Variants in UBE3A observed in about 807,000 individuals in gnomAD.
The protein encoded by UBE3A is ubiquitin-protein ligase E3A.
Under a neutral mutation model 83.4 loss-of-function variants are expected in UBE3A, and 6 were observed. That is an observed-to-expected ratio of 0.07 (90% CI 0.04 to 0.14). The LOEUF is 0.14. Among genes scored for constraint, UBE3A ranks in the 10% least tolerant of loss-of-function variants. The pLI is 1.00. For missense variants in UBE3A, 456 were observed against 1,036.1 expected, an observed-to-expected ratio of 0.44 and a Z score of 7.69; for synonymous variants, 337 against 355.4, an observed-to-expected ratio of 0.95 and a Z score of 0.58.
rs61482373 is a variant in UBE3A at position 25,362,885 on chromosome 15, T to C, written c.1609-2358A>G. Among the ~76,000 whole-genome samples, 612 of 152,270 alleles carry C rather than the reference T, an allele frequency of 4.0e-3. 2 individuals are homozygous for C. Among genetic ancestry groups the C allele is most frequent in the African/African-American group, 0.014 (590 of 41,554 alleles). On this transcript the variant is annotated intron_variant, in intron 6 of 12. Coordinates refer to ENST00000648336, the MANE Select transcript of UBE3A (RefSeq NM_130839.5). ...GTATACTTGCTTTTATCAAATATAA[T>C]GTATTCCAAAGTGGGGAAAAAAAAG...
At chr15:25,366,557 C>A (rs1429988046) in intron 6 of UBE3A, among the ~76,000 whole-genome samples, 2 of 152,102 alleles carry the variant, frequency 1.3e-5, no homozygotes, top group African/African-American at 4.8e-5. Flanking sequence ...TATTCAATTC[C>A]ACATCTCAGC....
chr15:25,413,450 A>C (rs1218172735), intron 1 of UBE3A, among the ~76,000 whole-genome samples: 1 of 152,090 alleles, frequency 6.6e-6, no homozygotes, highest in Non-Finnish European at 1.5e-5. Flanking sequence ...ATATTTATGG[A>C]TAATGCTACT....
chr15:25,359,326 T>G (rs1805710008), intron 7 of UBE3A, among the ~76,000 whole-genome samples: 1 of 152,200 alleles, frequency 6.6e-6, no homozygotes, highest in South Asian at 2.1e-4. Context: ...CGTCGTCTTA[T>G]GTATCTCTGA....
intron 1 of UBE3A, among the ~76,000 whole-genome samples, chr15:25,435,522 C>T (rs1475057417): frequency 6.6e-6 from 1 of 152,118 alleles, no homozygotes; most frequent in Non-Finnish European, 1.5e-5. Flanking sequence ...GCTTTGCCAT[C>T]ATTAATGGAA....
chr15:25,391,269 A>G (rs1022458766), intron 4 of UBE3A, among the ~76,000 whole-genome samples: 3 of 152,232 alleles, frequency 2.0e-5, no homozygotes, highest in African/African-American at 7.2e-5. Flanking sequence ...TAATGATTCC[A>G]CTGACATGAA....
chr15:25,371,514 ATTG>A lies in UBE3A; in HGVS notation c.657_659del (p.Asn220del), dbSNP rs763097042. On this transcript the variant is annotated inframe_deletion, in exon 6 of 13. Coordinates refer to ENST00000648336, the MANE Select transcript of UBE3A (RefSeq NM_130839.5). The surrounding 1 kb of genome is among the most constrained non-coding windows in gnomAD (Gnocchi z 5.3). ...CATCATCAGGGCCTAATTTTTGCAA[ATTG>A]TTGTCTCCCTGTGAGCTATCACCTA... 1 of 1,614,100 alleles carries A rather than the reference ATTG, an allele frequency of 6.2e-7. No individual in the cohort carries two copies. The highest frequency in any genetic ancestry group is 2.2e-5 in the East Asian group (1 of 44,872).
At chr15:25,369,690 C>T (rs549607939) in intron 6 of UBE3A, among the ~76,000 whole-genome samples, 3 of 152,044 alleles carry the variant, frequency 2.0e-5, no homozygotes, top group South Asian at 2.1e-4. Context: ...TAAAGCTCTG[C>T]GATAATGCAC....
intron 1 of UBE3A, among the ~76,000 whole-genome samples, chr15:25,432,149 A>C (rs559886319): frequency 1.3e-5 from 2 of 152,358 alleles, no homozygotes; most frequent in African/African-American, 4.8e-5. Flanking sequence ...AAAATAAAGA[A>C]CATGAGTTTA....
At chr15:25,352,841 C>T (rs1218475131) in intron 11 of UBE3A, among the ~76,000 whole-genome samples, 1 of 152,176 alleles carries the variant, frequency 6.6e-6, no homozygotes, top group Non-Finnish European at 1.5e-5. Context: ...TTGGAAGCTA[C>T]TTTATCTGTC....
chr15:25,434,967 C>CATAT (rs71418045), intron 1 of UBE3A, among the ~76,000 whole-genome samples: 1 of 20,158 alleles, frequency 5.0e-5, no homozygotes, highest in Non-Finnish European at 1.3e-4. Context: ...ATTCTATATA[C>CATAT]ATACACACAC....
At chr15:25,381,347 A>G (rs2082134255) in intron 4 of UBE3A, among the ~76,000 whole-genome samples, 1 of 152,234 alleles carries the variant, frequency 6.6e-6, no homozygotes, top group Non-Finnish European at 1.5e-5. Context: ...AGCCATAGAA[A>G]CAGCTGCCAG....
chr15:25,432,600 G>C (rs961044641), intron 1 of UBE3A, among the ~76,000 whole-genome samples: 4 of 152,154 alleles, frequency 2.6e-5, no homozygotes, highest in Non-Finnish European at 1.5e-5. Context: ...TGCATGCTAC[G>C]AAGACATGGG....
chr15:25,348,710 A>G (rs2076076712), intron 11 of UBE3A, among the ~76,000 whole-genome samples: 1 of 152,192 alleles, frequency 6.6e-6, no homozygotes, highest in Non-Finnish European at 1.5e-5. Context: ...AAAAAATACC[A>G]CTAATAGCAT....
intron 11 of UBE3A, among the ~76,000 whole-genome samples, chr15:25,341,685 C>T (rs1382881179): frequency 1.4e-5 from 2 of 144,402 alleles, no homozygotes; most frequent in South Asian, 4.4e-4. Context: ...ATTGCTTGAA[C>T]ATGGGAGGCG....
At chr15:25,432,288 G>T (rs1403867554) in intron 1 of UBE3A, among the ~76,000 whole-genome samples, 2 of 152,188 alleles carry the variant, frequency 1.3e-5, no homozygotes, top group East Asian at 3.8e-4. Context: ...GAAAGTTTCA[G>T]AATTTATTCT....
intron 1 of UBE3A, among the ~76,000 whole-genome samples, chr15:25,436,138 T>C (rs1156382163): frequency 1.3e-5 from 2 of 152,142 alleles, no homozygotes; most frequent in African/African-American, 2.4e-5. Context: ...ATTTTATCCT[T>C]ACATTTGGCA....
intron 1 of UBE3A, among the ~76,000 whole-genome samples, chr15:25,430,809 C>T (rs971202546): frequency 3.3e-5 from 5 of 152,108 alleles, no homozygotes; most frequent in South Asian, 2.1e-4. Context: ...AGTTGAGATA[C>T]GTGACCAACC....
chr15:25,337,482 A>G lies in UBE3A; in HGVS notation c.*1655T>C, dbSNP rs2074038449. The G allele has an allele frequency of 6.6e-6, 1 of 152,162 alleles. No homozygotes were observed. Among genetic ancestry groups the G allele is most frequent in the Admixed American group, 6.5e-5 (1 of 15,274 alleles). The allele number at this position is 152,162 out of a possible 1,614,324, so 9.4% of individuals were successfully genotyped here. A position where few individuals can be genotyped will look rare whatever the true frequency, so the allele number is the denominator to read the frequency against. On this transcript the variant is annotated 3_prime_UTR_variant, in exon 13 of 13. Coordinates refer to ENST00000648336, the MANE Select transcript of UBE3A (RefSeq NM_130839.5). ...CATTGTCTTCTTTTTCCACTAAATTAAATTATGGTGAAAAGTGCCACAGTT... is the reference window on the plus strand; with the variant it reads ...CATTGTCTTCTTTTTCCACTAAATTGAATTATGGTGAAAAGTGCCACAGTT...
At chr15:25,406,067 C>G (rs1037001998) in intron 3 of UBE3A, among the ~76,000 whole-genome samples, 1 of 152,150 alleles carries the variant, frequency 6.6e-6, no homozygotes, top group African/African-American at 2.4e-5. Flanking sequence ...GGACTTGTGG[C>G]AGAAACCACA....
Sources: gnomAD v4.1 joint callset for allele counts (sites outside exome capture counted in the v4.1 genomes callset) on GRCh38, gnomAD v4.1.1 for gene constraint, Gnocchi (gnomAD v3.1) non-coding constraint, MANE v1.5 for transcripts, NCBI Gene and HGNC (gene_info 2026-07-23, HGNC 2026-07-21) for gene names.